Variants in LRBA observed in about 807,000 individuals in gnomAD.
LRBA encodes the protein lipopolysaccharide-responsive and beige-like anchor protein.
LRBA carries 176 observed loss-of-function variants against 330.0 expected under a neutral mutation model. That is an observed-to-expected ratio of 0.53 (90% CI 0.47 to 0.60). The LOEUF is 0.60. LRBA is among the 20% of genes least tolerant of loss of function. LRBA has a pLI of 0.00. For synonymous variants in LRBA, 1,230 were observed against 1,193.0 expected, an observed-to-expected ratio of 1.03 and a Z score of -0.64; for missense variants, 3,259 against 3,444.8, an observed-to-expected ratio of 0.95 and a Z score of 1.35.
Position 150,908,796 on chromosome 4 carries a change from A to C in LRBA, c.1223T>G (p.Leu408Trp). ...GGCACTAGAGAGTTTCCCATCGTACAATAAAAGTTTGTGATGCTCAGCAAG... is the reference window on the plus strand; with the variant it reads ...GGCACTAGAGAGTTTCCCATCGTACCATAAAAGTTTGTGATGCTCAGCAAG... ...LFLAEHHKLL[L>W]YDGKLSSAIA... Residue 408 changes from leucine (L) to tryptophan (W), a missense_variant, in exon 10 of 57, where the codon TTG becomes TGG. Coordinates refer to ENST00000651943, the MANE Select transcript of LRBA (RefSeq NM_001364905.1). 6.2e-7 allele frequency: 1 copy of C among 1,613,898 alleles called. No homozygotes were observed.
intron 37 of LRBA, among the ~76,000 whole-genome samples, chr4:150,651,236 C>A (rs1236686859): frequency 6.6e-6 from 1 of 151,982 alleles, no homozygotes; most frequent in East Asian, 1.9e-4. Flanking sequence ...ATGGAAAACA[C>A]CTTGGTATGA....
At chr4:150,613,434 G>A (rs1184706443) in intron 37 of LRBA, among the ~76,000 whole-genome samples, 1 of 152,216 alleles carries the variant, frequency 6.6e-6, no homozygotes, top group Non-Finnish European at 1.5e-5. Context: ...TTCTTTCTGA[G>A]GGAACAGCAT....
chr4:150,550,350 TA>T (rs1324087533), intron 40 of LRBA, among the ~76,000 whole-genome samples: 2 of 152,080 alleles, frequency 1.3e-5, no homozygotes, highest in East Asian at 1.9e-4. Flanking sequence ...ATTTTACATT[TA>T]AAAAAGAGCA....
At chr4:150,896,917 CA>C in intron 15 of LRBA, among the ~76,000 whole-genome samples, 1 of 151,232 alleles carries the variant, frequency 6.6e-6, no homozygotes, top group African/African-American at 2.4e-5. Context: ...AAACACACTG[CA>C]CTTCTAAATA....
chr4:150,463,604 G>A (rs953822836), intron 44 of LRBA, among the ~76,000 whole-genome samples: 1 of 151,584 alleles, frequency 6.6e-6, no homozygotes, highest in Non-Finnish European at 1.5e-5. Flanking sequence ...CATCTACTGG[G>A]GCATAAGGTA....
intron 43 of LRBA, among the ~76,000 whole-genome samples, chr4:150,469,338 A>T (rs1755823103): frequency 6.6e-6 from 1 of 152,156 alleles, no homozygotes; most frequent in African/African-American, 2.4e-5. Context: ...ATGCACATTT[A>T]AAAAATCTAA....
At chr4:150,729,878 G>T (rs757614374) in intron 36 of LRBA, among the ~76,000 whole-genome samples, 41 of 152,112 alleles carry the variant, frequency 2.7e-4, no homozygotes, top group Non-Finnish European at 7.4e-5. Context: ...AAGGTGCCAA[G>T]AACAAACATT....
At chr4:150,340,353 A>C (rs760410958) in intron 48 of LRBA, among the ~76,000 whole-genome samples, 1 of 152,224 alleles carries the variant, frequency 6.6e-6, no homozygotes, top group African/African-American at 2.4e-5. Context: ...TGCTATAAAG[A>C]TTCAACCTAT....
chr4:150,281,873 G>T (rs913971385), intron 55 of LRBA, among the ~76,000 whole-genome samples: 1 of 152,186 alleles, frequency 6.6e-6, no homozygotes. Flanking sequence ...AGCCCAGAAG[G>T]TCCACTGGCG....
At chr4:150,915,567 T>C (rs1172263856) in intron 8 of LRBA, 41 bp downstream of exon 8, 2 of 1,574,246 alleles carry the variant, frequency 1.3e-6, no homozygotes, top group African/African-American at 2.7e-5. Context: ...CTCATGCTTT[T>C]AAAATCACTT....
intron 40 of LRBA, among the ~76,000 whole-genome samples, chr4:150,546,552 C>A (rs908271258): frequency 6.6e-6 from 1 of 152,290 alleles, no homozygotes; most frequent in East Asian, 1.9e-4. Flanking sequence ...ACCCTTTAGG[C>A]CTCACTCAAA....
intron 44 of LRBA, among the ~76,000 whole-genome samples, chr4:150,443,701 G>C (rs1024678705): frequency 1.3e-5 from 2 of 151,896 alleles, no homozygotes; most frequent in African/African-American, 2.4e-5. Flanking sequence ...CTGTTGTGGG[G>C]TGGGAGCAGG....
chr4:150,493,128 G>A (rs1169341405), intron 40 of LRBA, among the ~76,000 whole-genome samples: 9 of 152,026 alleles, frequency 5.9e-5, no homozygotes, highest in African/African-American at 1.7e-4. Context: ...CTACAAGCAC[G>A]TGCCACCACA....
rs1030017918 is a variant in LRBA, at chr4:150,586,966, AT to A, written c.6330+1081del. ...TCAGTCATGGGACAAAGTAGAAAAA[AT>A]TTTTAATTGATAGAATTTCAGAATT... is the stretch of plus-strand genomic sequence containing the variant. On this transcript the variant is annotated intron_variant, in intron 40 of 56. Coordinates refer to ENST00000651943, the MANE Select transcript of LRBA (RefSeq NM_001364905.1). Among the ~76,000 whole-genome samples, 88 of 152,220 alleles carry A rather than the reference AT, an allele frequency of 5.8e-4. 1 individual carries two copies. The highest frequency in any genetic ancestry group is 5.7e-3 in the Admixed American group (87 of 15,304).
At chr4:150,513,653 C>G (rs892603808) in intron 40 of LRBA, among the ~76,000 whole-genome samples, 1 of 152,164 alleles carries the variant, frequency 6.6e-6, no homozygotes, top group African/African-American at 2.4e-5. Flanking sequence ...GGGCTCTCCT[C>G]CTGGCTTGCA....
intron 36 of LRBA, among the ~76,000 whole-genome samples, chr4:150,711,237 ATTT>A (rs111721711): frequency 1.4e-5 from 2 of 143,108 alleles, no homozygotes; most frequent in African/African-American, 2.6e-5. Context: ...TAAGAAGTTA[ATTT>A]TTTTTTTTTT....
At chr4:150,880,834 CA>C (rs1459140486) in intron 17 of LRBA, among the ~76,000 whole-genome samples, 1 of 152,066 alleles carries the variant, frequency 6.6e-6, no homozygotes, top group Non-Finnish European at 1.5e-5. Flanking sequence ...GGAACTTAAA[CA>C]ATTATACAAG....
intron 2 of LRBA, among the ~76,000 whole-genome samples, chr4:150,933,283 G>T (rs940537640): frequency 6.6e-6 from 1 of 151,688 alleles, no homozygotes; most frequent in African/African-American, 2.4e-5. Context: ...AACTACTTGG[G>T]AGGCTGAGGC....
At chr4:150,432,949 C>A (rs1355709578) in intron 46 of LRBA, among the ~76,000 whole-genome samples, 1 of 151,934 alleles carries the variant, frequency 6.6e-6, no homozygotes, top group Non-Finnish European at 1.5e-5. Context: ...CCCAAATTAG[C>A]TGGTTATCAA....
Sources: gnomAD v4.1 joint callset for allele counts (sites outside exome capture counted in the v4.1 genomes callset) on GRCh38, gnomAD v4.1.1 for gene constraint, MANE v1.5 for transcripts, NCBI Gene and HGNC (gene_info 2026-07-23, HGNC 2026-07-21) for gene names.